CIAO3: variants seen among roughly 807,000 people sequenced by gnomAD.
CIAO3 encodes LET1 like/JFP15.
CIAO3 carries 45 observed loss-of-function variants against 51.5 expected under a neutral mutation model. The ratio of observed to expected loss-of-function variants is 0.87; its 90% CI spans 0.69 to 1.12. The LOEUF (loss-of-function observed/expected upper bound fraction) is 1.12, where lower values mean the gene tolerates loss of function less well. CIAO3 is among the 50% of genes most tolerant of loss of function. CIAO3 has a pLI of 0.00. For synonymous variants in CIAO3, 314 were observed against 269.3 expected (o/e 1.17, Z -1.63); for missense variants, 668 against 632.5 (o/e 1.06, Z -0.60).
Position 729,789 on chromosome 16 carries a change from A to T in CIAO3, c.*628T>A. The T allele has an allele frequency of 8.6e-7, 1 of 1,164,826 alleles. No homozygotes were observed. The highest frequency in any genetic ancestry group is 1.6e-5 in the South Asian group (1 of 62,744). The allele number at this position is 1,164,826 out of a possible 1,614,324, so 72.2% of individuals were successfully genotyped here. On this transcript the variant is annotated 3_prime_UTR_variant, in exon 11 of 11. Transcript: ENST00000251588. ...GTGTTTTAGGAGGGGTGCGTTTATT[A>T]GACAAACGCTGGGAGACAGGCCTGG...
Position 731,550 on chromosome 16 carries a change from G to A in CIAO3, c.1034+15C>T, listed in dbSNP as rs1389801368. ...TGTGGCCGCTCTGCCCAGAGATCTG[G>A]CCCATCCCACTGACCTCAGGGGTTT... is the stretch of plus-strand genomic sequence containing the variant. On this transcript the variant is annotated intron_variant, in intron 9 of 10. Transcript: ENST00000251588. The A allele has an allele frequency of 6.4e-7, 1 of 1,556,246 alleles. No individual in the cohort carries two copies. The highest frequency in any genetic ancestry group is 1.9e-5 in the Admixed American group (1 of 52,566).
At chr16:740,660 G>A (rs1485143766) in intron 1 of CIAO3, 2 of 525,198 alleles carry the variant, frequency 3.8e-6, no homozygotes, top group African/African-American at 2.0e-5. Flanking sequence ...ACCCTCCCAC[G>A]CAGCCCGCCC....
chr16:732,978 G>T, intron 7 of CIAO3: 2 of 363,540 alleles, frequency 5.5e-6, no homozygotes, highest in South Asian at 2.6e-5. Context: ...CTGTGGGGCT[G>T]CTCGACTCAG....
chr16:730,492 C>G lies in CIAO3; in HGVS notation c.1356G>C (p.Glu452Asp). The G allele has an allele frequency of 6.2e-7, 1 of 1,609,702 alleles. No homozygotes were observed. Among genetic ancestry groups the G allele is most frequent in the Non-Finnish European group, 8.5e-7 (1 of 1,179,978 alleles). Residue 452 changes from glutamate to aspartate, a missense_variant, in exon 11 of 11, where the codon GAG becomes GAC. Transcript: ENST00000251588. Reference protein sequence around the residue: ...YTHWLQGTDSECAGRLLHTQY... With the variant: ...YTHWLQGTDSDCAGRLLHTQY... ...GCGTATGCAGCAAGCGACCTGCACA[C>G]TCCGAGTCCGTGCCCTGCAGCCAGT...
At chr16:734,100 GGA>G (rs2041313196) in intron 6 of CIAO3, 127 bp downstream of exon 6, 2 of 800,136 alleles carry the variant, frequency 2.5e-6, no homozygotes, top group African/African-American at 3.4e-5. Context: ...GAACAAGGGT[GGA>G]GGTGTGCTGG....
Position 736,391 on chromosome 16 carries a change from G to C in CIAO3, c.314C>G (p.Ala105Gly). Residue 105 changes from alanine to glycine, a missense_variant, in exon 4 of 11, where the codon GCA becomes GGA. Ala to Gly is a moderately conservative substitution (Grantham distance 60). Transcript: ENST00000251588. ...TACAACCAGCCTCTGCTGACTGGGT[G>C]CCGCCATCTGCAAAGCAAGGGGAAG... Reference protein sequence around the residue: ...KKVLDANKMAAPSQQRLVVVS... With the variant: ...KKVLDANKMAGPSQQRLVVVS... The C allele has an allele frequency of 1.9e-6, 3 of 1,612,744 alleles. No homozygotes were observed. The highest frequency in any genetic ancestry group is 2.5e-6 in the Non-Finnish European group (3 of 1,179,794).
rs1343697930 is a variant in CIAO3 at position 730,625 on chromosome 16, G to A, written c.1223C>T (p.Ala408Val). ...GAGCTCTCTGCTGGGCCTGTCTGGGGCCTGGAGCTGGCCCCCGCCGTTCAG... is the reference window on the plus strand; with the variant it reads ...GAGCTCTCTGCTGGGCCTGTCTGGGACCTGGAGCTGGCCCCCGCCGTTCAG... ...GCLNGGGQLQ[A>V]PDRPSRELLQ... Residue 408 changes from alanine to valine, a missense_variant, in exon 11 of 11, where the codon GCC (alanine) becomes GTC (valine). Physicochemically the swap from Ala to Val is moderately conservative, Grantham distance 64 (BLOSUM62 0). Transcript: ENST00000251588. 1.2e-6 allele frequency: 2 copies of A among 1,609,632 alleles called. No individual in the cohort carries two copies. The highest frequency in any genetic ancestry group is 1.7e-5 in the Admixed American group (1 of 60,024).
At chr16:734,037 T>C (rs1033069932) in intron 6 of CIAO3, 192 bp downstream of exon 6, 4 of 587,810 alleles carry the variant, frequency 6.8e-6, no homozygotes, top group Non-Finnish European at 1.2e-5. Context: ...TGAGCACCTC[T>C]GGATCAGAAC....
intron 3 of CIAO3, chr16:736,937 G>C (rs1290744275): frequency 5.9e-6 from 3 of 507,466 alleles, no homozygotes; most frequent in Admixed American, 3.3e-5. Flanking sequence ...GTGCTGGTAT[G>C]ACAGGCGTGA....
Position 737,167 on chromosome 16 carries a change from C to T in CIAO3, c.306+19G>A, listed in dbSNP as rs1352308973. Reference sequence around the variant, plus strand: ...GGATTTCAGGTTAAAGCAGAGTCACCAGGCCGACCACTGCTTACCTTGTTA... The same window carrying T: ...GGATTTCAGGTTAAAGCAGAGTCACTAGGCCGACCACTGCTTACCTTGTTA... On this transcript the variant is annotated intron_variant, in intron 3 of 10. Transcript: ENST00000251588. This position sits in a 1 kb window ranked among gnomAD's most constrained non-coding sequence, Gnocchi z 5.3. The T allele has an allele frequency of 6.2e-7, 1 of 1,613,348 alleles. No individual in the cohort carries two copies. The highest frequency in any genetic ancestry group is 8.5e-7 in the Non-Finnish European group (1 of 1,179,846).
rs770775687 is a variant in CIAO3 at position 731,712 on chromosome 16, A to G, written c.897-10T>C. ...AGAGGCACCGCTGCACCTGGCAAGG[A>G]GGGAGGGGCCTCAGCACAGCTGGGG... On this transcript the variant is annotated splice_polypyrimidine_tract_variant and intron_variant, in intron 8 of 10. Coordinates refer to ENST00000251588, the MANE Select transcript of CIAO3 (RefSeq NM_022493.3). 6.5e-6 allele frequency: 10 copies of G among 1,546,112 alleles called. No individual in the cohort carries two copies. The highest frequency in any genetic ancestry group is 1.4e-5 in the African/African-American group (1 of 73,578).
chr16:734,619 G>C, intron 5 of CIAO3, 118 bp downstream of exon 5: 1 of 1,566,722 alleles, frequency 6.4e-7, no homozygotes, highest in Non-Finnish European at 8.8e-7. Context: ...AACCCGTCCC[G>C]CAAAACCTGC....
Position 733,370 on chromosome 16 carries a change from G to A in CIAO3, c.751C>T (p.Leu251=), listed in dbSNP as rs1043295356. ...VTVMPCYDKK[L]EASRPDFFNQ... ...AAAAAGTCGGGTCTGGAGGCTTCCA[G>A]CTTTTTGTCATAGCAGGGCATCACT... Residue 251 remains leucine, a synonymous_variant, in exon 7 of 11, where the codon CTG becomes TTG. Coordinates refer to ENST00000251588, the MANE Select transcript of CIAO3 (RefSeq NM_022493.3). 1.2e-6 allele frequency: 2 copies of A among 1,613,922 alleles called. No individual in the cohort carries two copies. Among genetic ancestry groups the A allele is most frequent in the African/African-American group, 1.3e-5 (1 of 75,080 alleles).
chr16:734,950 G>C, intron 4 of CIAO3, 79 bp from the exon 5 acceptor site: 1 of 1,456,114 alleles, frequency 6.9e-7, no homozygotes, highest in South Asian at 1.4e-5. Context: ...GGACCACCAT[G>C]GTGCTGCCAG....
At chr16:740,179 A>C in intron 1 of CIAO3, 1 of 1,177,442 alleles carries the variant, frequency 8.5e-7, no homozygotes, top group Non-Finnish European at 1.1e-6. Flanking sequence ...GAACCCTGGC[A>C]GCCCAGAAAG....
intron 2 of CIAO3, among the ~76,000 whole-genome samples, chr16:738,957 T>C (rs1388199009): frequency 2.0e-5 from 3 of 146,684 alleles, no homozygotes; most frequent in African/African-American, 7.5e-5. Context: ...ATTTTAACAG[T>C]TTCATCAGGA....
At position 732,149 on chromosome 16, in the gene CIAO3, G is replaced by A. The variant is rs574976560; in HGVS notation, c.896+152C>T. The A allele has an allele frequency of 5.7e-4, 455 of 793,706 alleles. 2 individuals are homozygous for A. In the African/African-American group the frequency reaches 6.5e-3, roughly 11 times the overall value. The allele number at this position is 793,706 out of a possible 1,614,324, so 49.2% of individuals were successfully genotyped here. ...CACCTTGGCCTCCCAAAGTGCTGGG[G>A]TGACAGGCGTGAGCTACTGCGCCTG... On this transcript the variant is annotated intron_variant, in intron 8 of 10. Coordinates refer to ENST00000251588, the MANE Select transcript of CIAO3 (RefSeq NM_022493.3).
chr16:739,331 G>A (rs1323170968), intron 2 of CIAO3: 1 of 371,412 alleles, frequency 2.7e-6, no homozygotes, highest in Non-Finnish European at 5.0e-6. Flanking sequence ...ACAAAAGAAC[G>A]AGGGGTCTGA....
chr16:730,658 A>G lies in CIAO3; in HGVS notation c.1193-3T>C, dbSNP rs764870991. 9 of 1,607,424 alleles carry G rather than the reference A, an allele frequency of 5.6e-6. No individual in the cohort carries two copies. In the East Asian group the frequency reaches 1.3e-4, roughly 24 times the overall value. ...CTGGCCCCCGCCGTTCAGGCAGCCT[A>G]TGGGAGAGCAGACGGGACAGGGGTC... On this transcript the variant is annotated splice_region_variant and splice_polypyrimidine_tract_variant and intron_variant, in intron 10 of 10. Transcript: ENST00000251588.
Sources: gnomAD v4.1 joint callset for allele counts (sites outside exome capture counted in the v4.1 genomes callset) on GRCh38, gnomAD v4.1.1 for gene constraint, Gnocchi (gnomAD v3.1) non-coding constraint, MANE v1.5 for transcripts, NCBI Gene and HGNC (gene_info 2026-07-23, HGNC 2026-07-21) for gene names.